NRG4: variants seen among roughly 807,000 people sequenced by gnomAD.
NRG4 encodes neuregulin 4.
Under a neutral mutation model 15.0 loss-of-function variants are expected in NRG4, and 10 were observed. The observed-to-expected ratio is 0.67, with a 90% CI of 0.41 to 1.13. The LOEUF (loss-of-function observed/expected upper bound fraction) is 1.13. Among genes scored for constraint, NRG4 ranks in the 50% most tolerant of loss-of-function variants. The probability of loss-of-function intolerance (pLI) is 0.00; values close to 1 mark genes in which losing one functional copy is unlikely to be tolerated. For synonymous variants in NRG4, 41 were observed against 50.1 expected (o/e 0.82, Z 0.77); for missense variants, 139 against 140.2 (o/e 0.99, Z 0.04).
downstream of NRG4, chr15:75,937,658 G>A (rs945557444): frequency 2.0e-4 from 30 of 152,072 alleles, no homozygotes; most frequent in African/African-American, 7.0e-4. Context: ...GCTCTTGCCC[G>A]AGCCTCTCCC....
intron 3 of NRG4, among the ~76,000 whole-genome samples, chr15:75,988,853 CTTTTT>C (rs71444946): frequency 1.8e-5 from 2 of 109,664 alleles, no homozygotes; most frequent in South Asian, 2.9e-4. Context: ...CTGCACCTTC[CTTTTT>C]TTTTTTTTTT....
At chr15:75,953,436 G>A (rs894144346) in intron 5 of NRG4, among the ~76,000 whole-genome samples, 1 of 152,170 alleles carries the variant, frequency 6.6e-6, no homozygotes, top group Non-Finnish European at 1.5e-5. Context: ...AATAAGTTTA[G>A]AAATTAGGAA....
intron 5 of NRG4, among the ~76,000 whole-genome samples, chr15:76,017,586 C>A (rs1006764502): frequency 6.6e-6 from 1 of 152,118 alleles, no homozygotes; most frequent in Non-Finnish European, 1.5e-5. Context: ...TTCTCCTTCA[C>A]TAATGAAGCT....
intron 1 of NRG4, chr15:76,057,347 A>C (rs1357845845): frequency 6.6e-6 from 1 of 152,184 alleles, no homozygotes; most frequent in Non-Finnish European, 1.5e-5. Context: ...GATTTTAAGC[A>C]AGTGTTCCCA....
At chr15:76,000,940 A>G (rs1352043294) in intron 3 of NRG4, among the ~76,000 whole-genome samples, 1 of 152,182 alleles carries the variant, frequency 6.6e-6, no homozygotes, top group Non-Finnish European at 1.5e-5. Flanking sequence ...ACATATAGCA[A>G]TACTCCCCAA....
chr15:76,031,435 C>T (rs1475355209), intron 5 of NRG4, among the ~76,000 whole-genome samples: 2 of 152,178 alleles, frequency 1.3e-5, no homozygotes, highest in Non-Finnish European at 1.5e-5. Context: ...TGCCTATAAT[C>T]CCAGCAGTTT....
intron 3 of NRG4, among the ~76,000 whole-genome samples, chr15:75,976,401 TGGA>T (rs1289193500): frequency 1.3e-5 from 2 of 152,238 alleles, no homozygotes; most frequent in Non-Finnish European, 2.9e-5. Flanking sequence ...TGTGATCCTT[TGGA>T]GGAGAAGAGG....
At chr15:76,023,049 G>A (rs1275829032) in intron 5 of NRG4, among the ~76,000 whole-genome samples, 1 of 151,424 alleles carries the variant, frequency 6.6e-6, no homozygotes, top group African/African-American at 2.4e-5. Context: ...TAAAGGAATA[G>A]CTATTAGGGA....
intron 4 of NRG4, among the ~76,000 whole-genome samples, chr15:76,051,155 G>A (rs1047499922): frequency 6.1e-5 from 9 of 148,500 alleles, no homozygotes; most frequent in South Asian, 2.1e-4. Flanking sequence ...ACAGGCGCCC[G>A]CCACTACGCC....
chr15:75,974,993 T>C (rs528194411), intron 3 of NRG4, among the ~76,000 whole-genome samples: 2 of 152,282 alleles, frequency 1.3e-5, no homozygotes, highest in African/African-American at 2.4e-5. Flanking sequence ...CTAAGTCTTT[T>C]TGTATGTCTC....
intron 4 of NRG4, among the ~76,000 whole-genome samples, chr15:75,957,531 TTC>T (rs1339262375): frequency 6.8e-6 from 1 of 147,876 alleles, no homozygotes; most frequent in African/African-American, 2.5e-5. Flanking sequence ...TTTTGTGATG[TTC>T]TCTTTAGAAC....
At chr15:76,019,342 G>T (rs917753735) in intron 5 of NRG4, among the ~76,000 whole-genome samples, 5 of 152,074 alleles carry the variant, frequency 3.3e-5, no homozygotes, top group Non-Finnish European at 5.9e-5. Flanking sequence ...GGGGTGAACG[G>T]TTCTGTCTCG....
chr15:76,028,765 T>G (rs1037494777), intron 5 of NRG4, among the ~76,000 whole-genome samples: 9 of 151,974 alleles, frequency 5.9e-5, no homozygotes, highest in African/African-American at 2.2e-4. Flanking sequence ...CCAGGCACGA[T>G]GGCCTGCACC....
chr15:75,992,249 C>T (rs74024052), intron 3 of NRG4, among the ~76,000 whole-genome samples: 6,030 of 152,242 alleles, frequency 0.04, 217 homozygotes, highest in African/African-American at 0.094. Flanking sequence ...TTATGTACCT[C>T]ACCTAAGTTG....
chr15:75,937,045 C>T (rs1435505367), downstream of NRG4: 2 of 152,032 alleles, frequency 1.3e-5, no homozygotes, highest in Non-Finnish European at 2.9e-5. Context: ...AGACCATTGA[C>T]ATTTTTCTAA....
At chr15:75,971,663 T>A (rs1247586529) in intron 3 of NRG4, among the ~76,000 whole-genome samples, 3 of 152,152 alleles carry the variant, frequency 2.0e-5, no homozygotes, top group Non-Finnish European at 4.4e-5. Context: ...GATAAGTAAG[T>A]TCTTATGTAA....
At chr15:76,000,459 T>C (rs756927806) in intron 3 of NRG4, among the ~76,000 whole-genome samples, 6 of 152,124 alleles carry the variant, frequency 3.9e-5, no homozygotes, top group Non-Finnish European at 8.8e-5. Flanking sequence ...TCCTCATAAC[T>C]AGGAAAATAA....
intron 3 of NRG4, among the ~76,000 whole-genome samples, chr15:75,991,415 T>C (rs1383976646): frequency 6.6e-6 from 1 of 152,192 alleles, no homozygotes; most frequent in East Asian, 1.9e-4. Flanking sequence ...ATGGGCAAGA[T>C]TTAGCCCATG....
intron 4 of NRG4, among the ~76,000 whole-genome samples, chr15:76,038,073 T>C (rs1478824072): frequency 6.6e-6 from 1 of 152,170 alleles, no homozygotes; most frequent in Non-Finnish European, 1.5e-5. Flanking sequence ...ATCTGCTGGC[T>C]AAAGAGCCCT....
Sources: gnomAD v4.1 joint callset for allele counts (sites outside exome capture counted in the v4.1 genomes callset) on GRCh38, gnomAD v4.1.1 for gene constraint, MANE v1.5 for transcripts, NCBI Gene and HGNC (gene_info 2026-07-23, HGNC 2026-07-21) for gene names.